The following S100Z variants were observed in gnomAD, a reference collection of about 807,000 sequenced individuals.
The protein encoded by S100Z is protein S100-Z.
Under a neutral mutation model 8.5 loss-of-function variants are expected in S100Z, and 11 were observed. The ratio of observed to expected loss-of-function variants is 1.30; its 90% confidence interval spans 0.82 to 2.15. S100Z has a LOEUF of 2.15. Among genes scored for constraint, S100Z ranks in the 30% most tolerant of loss-of-function variants. The pLI, the probability that S100Z is intolerant of heterozygous loss-of-function variation, is 0.00. For synonymous variants in S100Z, 34 were observed against 43.8 expected (o/e 0.78, Z 0.89); for missense variants, 126 against 117.9 (o/e 1.07, Z -0.32).
chr5:76,923,879 A>T (rs34300545), downstream of S100Z, among the ~76,000 whole-genome samples: 20,311 of 152,146 alleles, frequency 0.13, 1,631 homozygotes, highest in Non-Finnish European at 0.18. Context: ...GCACTTTGAC[A>T]TGCTGAACTA....
intron 2 of S100Z, among the ~76,000 whole-genome samples, chr5:76,872,620 A>T (rs1743050630): frequency 6.6e-6 from 1 of 152,120 alleles, no homozygotes; most frequent in African/African-American, 2.4e-5. Flanking sequence ...TTACTGGGCC[A>T]CTGCATTCCA....
the S100Z span, among the ~76,000 whole-genome samples, chr5:76,944,295 C>A: frequency 2.4e-4 from 36 of 152,192 alleles, no homozygotes; most frequent in African/African-American, 8.7e-4. Flanking sequence ...GAAATAAAAG[C>A]TCCTTTATTC....
Position 76,877,844 on chromosome 5 carries a change from A to G in S100Z, c.*2+10A>G. On this transcript the variant is annotated intron_variant, in intron 4 of 4. Coordinates refer to ENST00000317593, the MANE Select transcript of S100Z (RefSeq NM_130772.4). ...AGAAAGGAAAATAAAGGTAAGTAAT[A>G]AGCTCATCTAAAGGCAGAAATATAT... 1 of 1,591,794 alleles carries G rather than the reference A, an allele frequency of 6.3e-7. No individual in the cohort carries two copies. The highest frequency in any genetic ancestry group is 8.6e-7 in the Non-Finnish European group (1 of 1,159,838).
At chr5:76,868,584 A>T (rs1013681461) in intron 1 of S100Z, among the ~76,000 whole-genome samples, 3 of 151,554 alleles carry the variant, frequency 2.0e-5, no homozygotes, top group Non-Finnish European at 4.4e-5. Flanking sequence ...TCAACAACTT[A>T]ATTTGGAATT....
intron 4 of S100Z, among the ~76,000 whole-genome samples, chr5:76,897,428 G>A (rs973129324): frequency 2.0e-4 from 31 of 151,348 alleles, no homozygotes; most frequent in Non-Finnish European, 3.8e-4. Context: ...GGGCGACAGA[G>A]CGAGACTCTG....
At chr5:76,887,614 T>C (rs534973269) in intron 4 of S100Z, among the ~76,000 whole-genome samples, 2 of 151,834 alleles carry the variant, frequency 1.3e-5, no homozygotes, top group African/African-American at 4.8e-5. Flanking sequence ...GCCAGGCCAG[T>C]CTTGAACTCC....
At chr5:76,945,355 C>G in the S100Z span, among the ~76,000 whole-genome samples, 1 of 152,288 alleles carries the variant, frequency 6.6e-6, no homozygotes. Flanking sequence ...GACCGTCCCC[C>G]AGCCCGACAC....
intron 4 of S100Z, among the ~76,000 whole-genome samples, chr5:76,888,037 C>T (rs2150657179): frequency 6.6e-6 from 1 of 151,996 alleles, no homozygotes; most frequent in Admixed American, 6.6e-5. Flanking sequence ...GCGGGTGGAT[C>T]ATGAGGTCAG....
At chr5:76,910,504 C>T (rs946105268) in intron 4 of S100Z, among the ~76,000 whole-genome samples, 22 of 152,142 alleles carry the variant, frequency 1.4e-4, no homozygotes, top group African/African-American at 3.6e-4. Context: ...GCCAATCACC[C>T]GGGATGGCTT....
chr5:76,879,746 A>C (rs1251950905), intron 4 of S100Z, among the ~76,000 whole-genome samples: 1 of 152,220 alleles, frequency 6.6e-6, no homozygotes, highest in Non-Finnish European at 1.5e-5. Flanking sequence ...GATACAAAAG[A>C]GGCATGGCCA....
chr5:76,875,036 C>T (rs1743134442), intron 2 of S100Z, among the ~76,000 whole-genome samples: 1 of 152,138 alleles, frequency 6.6e-6, no homozygotes, highest in Non-Finnish European at 1.5e-5. Context: ...CTACAGGCGC[C>T]CGCCGCCGCG....
the S100Z span, among the ~76,000 whole-genome samples, chr5:76,951,299 ACGTGCATG>A: frequency 2.0e-5 from 3 of 152,218 alleles, no homozygotes; most frequent in Non-Finnish European, 4.4e-5. Context: ...TTGTCTGTGC[ACGTGCATG>A]CGTGCATGTG....
the S100Z span, among the ~76,000 whole-genome samples, chr5:76,943,057 C>G: frequency 6.6e-6 from 1 of 152,062 alleles, no homozygotes; most frequent in Non-Finnish European, 1.5e-5. Context: ...ATGTGCACAA[C>G]GTGCAGGTTT....
At chr5:76,890,092 C>T (rs950440648) in intron 4 of S100Z, among the ~76,000 whole-genome samples, 3 of 152,176 alleles carry the variant, frequency 2.0e-5, no homozygotes, top group South Asian at 2.1e-4. Flanking sequence ...GGCACAATCT[C>T]GGCTCACTGC....
At chr5:76,918,950 G>C (rs1286064068) in intron 4 of S100Z, among the ~76,000 whole-genome samples, 2 of 152,110 alleles carry the variant, frequency 1.3e-5, no homozygotes, top group East Asian at 1.9e-4. Context: ...ATGGTACCTA[G>C]CCTTTTCAGA....
At chr5:76,879,905 T>G (rs1010184393) in intron 4 of S100Z, among the ~76,000 whole-genome samples, 1 of 152,098 alleles carries the variant, frequency 6.6e-6, no homozygotes, top group Non-Finnish European at 1.5e-5. Flanking sequence ...GGAGGTTGTC[T>G]CACGCATCTG....
intron 1 of S100Z, among the ~76,000 whole-genome samples, chr5:76,862,073 G>A (rs1405607007): frequency 6.6e-6 from 1 of 151,996 alleles, no homozygotes; most frequent in Non-Finnish European, 1.5e-5. Flanking sequence ...TTCTTCTGGT[G>A]AAATAATTCC....
At chr5:76,873,339 T>TAA (rs1296692738) in intron 2 of S100Z, among the ~76,000 whole-genome samples, 4 of 69,992 alleles carry the variant, frequency 5.7e-5, no homozygotes, top group African/African-American at 4.6e-4. Context: ...AGACGGAGTC[T>TAA]CACTGTCACC....
intron 4 of S100Z, among the ~76,000 whole-genome samples, chr5:76,918,219 G>A (rs1038062280): frequency 1.3e-5 from 2 of 152,028 alleles, no homozygotes; most frequent in African/African-American, 4.8e-5. Flanking sequence ...TTTTTACTTT[G>A]TTTTTGAGAC....
Sources: allele counts gnomAD v4.1 joint callset (sites outside exome capture counted in the v4.1 genomes callset), GRCh38; gene constraint gnomAD v4.1.1; transcripts MANE v1.5; gene names NCBI Gene and HGNC (gene_info 2026-07-23, HGNC 2026-07-21).